The following ARVCF variants were observed in gnomAD, a reference collection of about 807,000 sequenced individuals.
ARVCF encodes the protein ARVCF delta catenin family member, also known as splicing regulator ARVCF.
ARVCF carries 66 observed loss-of-function variants against 90.9 expected under a neutral mutation model. That is an observed-to-expected ratio of 0.73 (90% CI 0.60 to 0.89). The LOEUF (loss-of-function observed/expected upper bound fraction) is 0.89, where lower values mean the gene tolerates loss of function less well. Among genes scored for constraint, ARVCF ranks in the 40% least tolerant of loss-of-function variants. The probability of loss-of-function intolerance (pLI) is 0.00; values close to 1 mark genes in which losing one functional copy is unlikely to be tolerated. For missense variants in ARVCF, 1,469 were observed against 1,382.3 expected, an observed-to-expected ratio of 1.06 and a Z score of -1.00; for synonymous variants, 653 against 603.4, an observed-to-expected ratio of 1.08 and a Z score of -1.21.
chr22:19,973,408 G>T (rs1444536556), intron 13 of ARVCF, 91 bp from the exon 14 acceptor site: 3 of 1,446,232 alleles, frequency 2.1e-6, no homozygotes, highest in African/African-American at 2.8e-5. Context: ...GCACTGCCAG[G>T]AGAGCCCCTG....
intron 13 of ARVCF, 101 bp from the exon 14 acceptor site, chr22:19,973,418 G>A: frequency 7.1e-7 from 1 of 1,411,356 alleles, no homozygotes; most frequent in African/African-American, 1.4e-5. Flanking sequence ...GAGAGCCCCT[G>A]GAGACCGCCT....
rs1466803187 is a variant in ARVCF at position 19,990,806 on chromosome 22, C to T, written c.-12G>A. ...TTGCAGTCCTCCATGACCAGAGCGCCCGCCAGCTGCAGGCAAAGCAGAGTA... is the reference window on the plus strand; with the variant it reads ...TTGCAGTCCTCCATGACCAGAGCGCTCGCCAGCTGCAGGCAAAGCAGAGTA... On this transcript the variant is annotated 5_prime_UTR_variant, in exon 3 of 20. Coordinates refer to ENST00000263207, the MANE Select transcript of ARVCF (RefSeq NM_001670.3). 152 of 1,547,734 alleles carry T rather than the reference C, an allele frequency of 9.8e-5. No homozygotes were observed. The highest frequency in any genetic ancestry group is 1.3e-4 in the Non-Finnish European group (151 of 1,144,092).
intron 19 of ARVCF, 134 bp from the exon 20 acceptor site, chr22:19,970,877 T>G (rs1601557323): frequency 8.5e-7 from 1 of 1,178,232 alleles, no homozygotes; most frequent in Admixed American, 2.6e-5. Context: ...CCCTGGGTGG[T>G]GTGGGCTGAC....
intron 2 of ARVCF, among the ~76,000 whole-genome samples, chr22:20,006,844 A>T (rs1944647146): frequency 6.6e-6 from 1 of 151,644 alleles, no homozygotes; most frequent in South Asian, 2.1e-4. Flanking sequence ...GTTGACCAGG[A>T]TGGTCTTGAT....
chr22:20,001,878 TAA>T (rs1815764600), intron 2 of ARVCF, among the ~76,000 whole-genome samples: 1 of 152,184 alleles, frequency 6.6e-6, no homozygotes, highest in Admixed American at 6.5e-5. Context: ...GCAGAGGCAG[TAA>T]ACAGCAGACT....
At chr22:19,987,421 C>A (rs1297485928) in intron 3 of ARVCF, among the ~76,000 whole-genome samples, 2 of 144,370 alleles carry the variant, frequency 1.4e-5, no homozygotes, top group South Asian at 2.3e-4. Flanking sequence ...GCCTGGACTT[C>A]TGCTCCCTCC....
chr22:19,992,779 C>A (rs1253735256), intron 2 of ARVCF, among the ~76,000 whole-genome samples: 1 of 152,204 alleles, frequency 6.6e-6, no homozygotes, highest in East Asian at 1.9e-4. Context: ...ACACCACACA[C>A]CCCATCCCCC....
At position 19,976,768 on chromosome 22, in the gene ARVCF, C is replaced by T. The variant is rs114791239; in HGVS notation, c.1871-45G>A. ...AGAGGAGAGAGGAGAGGAGCCTGAA[C>T]AGGCAGCACTCATCACCCCCCCATG... On this transcript the variant is annotated intron_variant, in intron 9 of 19. Transcript: ENST00000263207. 1.2e-3 allele frequency: 1,790 copies of T among 1,552,832 alleles called. 27 individuals carry two copies. In the Admixed American group the frequency reaches 0.029, roughly 25 times the overall value.
intron 10 of ARVCF, among the ~76,000 whole-genome samples, chr22:19,976,484 G>A (rs115349949): frequency 0.012 from 1,817 of 152,270 alleles, 41 homozygotes; most frequent in African/African-American, 0.041. Flanking sequence ...AAGTACCCCC[G>A]GGCCCTGCCC....
rs148244081 is a variant in ARVCF at position 19,972,763 on chromosome 22, G to T, written c.2615C>A (p.Thr872Lys). The change falls in exon 16 of 20, where the codon ACG becomes AAG. Residue 872 changes from threonine (T) to lysine (K), a missense_variant. Physicochemically the swap from Thr to Lys is moderately conservative, Grantham distance 78. Transcript: ENST00000263207. ...ALSPGGFDDSTLPLVDKSLEG... is the reference protein window; with the variant it reads ...ALSPGGFDDSKLPLVDKSLEG... ...AAGGCTCTTGTCCACCAGTGGCAGC[G>T]TGCTGTCATCGAAGCCCCCAGGACT... is the stretch of plus-strand genomic sequence containing the variant. 1.0e-4 allele frequency: 164 copies of T among 1,612,820 alleles called. No individual in the cohort carries two copies. The highest frequency in any genetic ancestry group is 1.2e-4 in the Non-Finnish European group (143 of 1,179,466).
chr22:19,987,975 C>T (rs1049266629), intron 3 of ARVCF, among the ~76,000 whole-genome samples: 13 of 152,138 alleles, frequency 8.5e-5, no homozygotes, highest in Non-Finnish European at 1.9e-4. Context: ...ATGTCAAACC[C>T]CACAAAGGCC....
Position 19,981,409 on chromosome 22 carries a change from C to A in ARVCF, c.698G>T (p.Arg233Leu). 1 of 1,580,944 alleles carries A rather than the reference C, an allele frequency of 6.3e-7. No individual in the cohort carries two copies. Among genetic ancestry groups the A allele is most frequent in the South Asian group, 1.1e-5 (1 of 88,128 alleles). Residue 233 changes from arginine to leucine, a missense_variant, in exon 5 of 20, where the codon CGG becomes CTG. Transcript: ENST00000263207. ...GDGCFTLPGH[R>L]EAFPVGPEPG... ...CTCAGGACCCACCGGGAAGGCTTCC[C>A]GGTGGCCAGGCAGTGTGAAGCAGCC...
intron 2 of ARVCF, among the ~76,000 whole-genome samples, chr22:20,007,415 A>G (rs1414328887): frequency 6.6e-6 from 1 of 152,226 alleles, no homozygotes; most frequent in Non-Finnish European, 1.5e-5. Flanking sequence ...ACAAACAAAC[A>G]AAAAGGAAAC....
chr22:20,006,305 T>C (rs1375138811), intron 2 of ARVCF, among the ~76,000 whole-genome samples: 3 of 148,952 alleles, frequency 2.0e-5, no homozygotes, highest in East Asian at 4.0e-4. Flanking sequence ...TGGCCAGGCG[T>C]GGTGGCTCAC....
At chr22:19,971,395 G>GGGACA in intron 18 of ARVCF, 60 bp from the exon 19 acceptor site, 1 of 1,514,564 alleles carries the variant, frequency 6.6e-7, no homozygotes, top group South Asian at 1.3e-5. Context: ...AGCTCCTGGG[G>GGGACA]GGACAGGGCA....
chr22:20,014,755 G>A (rs745396236), intron 1 of ARVCF, among the ~76,000 whole-genome samples: 2 of 152,208 alleles, frequency 1.3e-5, no homozygotes, highest in African/African-American at 4.8e-5. Context: ...CCTGGCATCC[G>A]TGTGCAGAGC....
intron 3 of ARVCF, among the ~76,000 whole-genome samples, chr22:19,987,720 G>A (rs533802385): frequency 6.6e-5 from 10 of 151,908 alleles, no homozygotes; most frequent in Non-Finnish European, 1.5e-4. Context: ...TCACCCTCCT[G>A]CCCAGCCGCC....
intron 2 of ARVCF, among the ~76,000 whole-genome samples, chr22:19,994,323 T>G (rs1231099352): frequency 2.6e-5 from 2 of 75,720 alleles, no homozygotes; most frequent in Admixed American, 2.0e-4. Flanking sequence ...GATGGGTGGG[T>G]GGAGGGATGG....
chr22:19,987,203 C>CGCGGGGGCGGATCTGGCG, intron 3 of ARVCF: 1 of 376,616 alleles, frequency 2.7e-6, no homozygotes, highest in Middle Eastern at 6.0e-4. Context: ...ACTCGCTCCC[C>CGCGGGGGCGGATCTGGCG]GCGGGGGCGG....
Sources: allele counts gnomAD v4.1 joint callset (sites outside exome capture counted in the v4.1 genomes callset), GRCh38; gene constraint gnomAD v4.1.1; transcripts MANE v1.5; gene names NCBI Gene and HGNC (gene_info 2026-07-23, HGNC 2026-07-21).